SWAP70: variants seen among roughly 807,000 people sequenced by gnomAD.
The protein encoded by SWAP70 is switching B cell complex subunit SWAP70, also known as switch-associated protein 70.
SWAP70 carries 34 observed loss-of-function variants against 80.2 expected under a neutral mutation model. The ratio of observed to expected loss-of-function variants is 0.42; its 90% CI spans 0.32 to 0.56. The LOEUF is 0.56. Ranked by LOEUF, SWAP70 falls within the 20% of genes least tolerant of loss-of-function variation. The pLI is 0.09. For missense variants in SWAP70, 578 were observed against 690.7 expected, an observed-to-expected ratio of 0.84 and a Z score of 1.83; for synonymous variants, 239 against 238.5, an observed-to-expected ratio of 1.00 and a Z score of -0.02.
chr11:9,675,627 G>A (rs528338130), intron 1 of SWAP70, among the ~76,000 whole-genome samples: 96 of 151,836 alleles, frequency 6.3e-4, no homozygotes, highest in African/African-American at 2.2e-3. Context: ...AGGTTTTCTC[G>A]AATCTTTAAG....
At chr11:9,675,309 C>CG (rs571688643) in intron 1 of SWAP70, among the ~76,000 whole-genome samples, 1 of 115,326 alleles carries the variant, frequency 8.7e-6, no homozygotes, top group African/African-American at 3.2e-5. Context: ...AAGAAAGAAA[C>CG]AGAGAGGGAG....
rs192987839 is a variant in SWAP70 at position 9,696,105 on chromosome 11, C to G, written c.240+1819C>G. Among the ~76,000 whole-genome samples, 11 of 152,292 alleles carry G rather than the reference C, an allele frequency of 7.2e-5. No individual in the cohort carries two copies. The East Asian group carries it at 2.1e-3, about 29-fold the overall frequency. On this transcript the variant is annotated intron_variant, in intron 2 of 11. Transcript: ENST00000318950. ...CTGTATAGATATTATACAGCCAACTCTTATCCCAGACTTTTCAGGGTACCA... is the reference window on the plus strand; with the variant it reads ...CTGTATAGATATTATACAGCCAACTGTTATCCCAGACTTTTCAGGGTACCA...
At chr11:9,740,476 C>A in intron 9 of SWAP70, 129 bp downstream of exon 9, 3 of 949,444 alleles carry the variant, frequency 3.2e-6, no homozygotes, top group Non-Finnish European at 5.1e-6. Context: ...GCTCGAGGTG[C>A]TGTCCAGATT....
intron 2 of SWAP70, among the ~76,000 whole-genome samples, chr11:9,697,886 G>A (rs938309447): frequency 6.6e-6 from 1 of 152,072 alleles, no homozygotes; most frequent in Non-Finnish European, 1.5e-5. Flanking sequence ...GCTAAATAAA[G>A]TAGTCCTCTT....
intron 2 of SWAP70, among the ~76,000 whole-genome samples, chr11:9,712,202 GAAC>G (rs1851007294): frequency 6.6e-6 from 1 of 152,064 alleles, no homozygotes; most frequent in Non-Finnish European, 1.5e-5. Context: ...CATTCCTTGG[GAAC>G]ATAGGCCAGT....
At chr11:9,724,069 T>C (rs1050135627) in intron 3 of SWAP70, among the ~76,000 whole-genome samples, 5 of 152,374 alleles carry the variant, frequency 3.3e-5, no homozygotes, top group African/African-American at 9.6e-5. Context: ...CCACTGCTCC[T>C]GGCCTAACTG....
intron 1 of SWAP70, among the ~76,000 whole-genome samples, chr11:9,671,549 G>C (rs181018926): frequency 6.5e-5 from 2 of 30,612 alleles, no homozygotes; most frequent in Admixed American, 5.7e-4. Context: ...GAAATATATA[G>C]AAATATATAT....
At chr11:9,721,415 T>C (rs912511165) in intron 3 of SWAP70, among the ~76,000 whole-genome samples, 3 of 152,034 alleles carry the variant, frequency 2.0e-5, no homozygotes, top group African/African-American at 7.2e-5. Context: ...TAAAAGAGCT[T>C]ATAGCATCTC....
At chr11:9,748,783 C>T (rs1161671973) in intron 10 of SWAP70, among the ~76,000 whole-genome samples, 1 of 152,240 alleles carries the variant, frequency 6.6e-6, no homozygotes, top group Non-Finnish European at 1.5e-5. Context: ...AACTGGCACA[C>T]AGGGCCATAC....
At chr11:9,682,940 T>C (rs1850586234) in intron 1 of SWAP70, among the ~76,000 whole-genome samples, 1 of 152,194 alleles carries the variant, frequency 6.6e-6, no homozygotes, top group African/African-American at 2.4e-5. Flanking sequence ...CCTCCTAAAG[T>C]GCTGGGATTA....
At position 9,666,717 on chromosome 11, in the gene SWAP70, C is replaced by A. The variant is rs1850311192; in HGVS notation, c.99+2439C>A. ...TTTTTTTCCAGATATTCCCAGATGA[C>A]CTCTTAATTTTTTTTTTTTTTTTTT... On this transcript the variant is annotated intron_variant, in intron 1 of 11. Coordinates refer to ENST00000318950, the MANE Select transcript of SWAP70 (RefSeq NM_015055.4). 1.5e-5 allele frequency among the ~76,000 whole-genome samples: 2 copies of A among 135,454 alleles called. 1 individual carries two copies. The highest frequency in any genetic ancestry group is 5.3e-5 in the African/African-American group (2 of 37,606). The allele number at this position is 135,454 out of a possible 152,430, so 88.9% of individuals were successfully genotyped here.
intron 2 of SWAP70, among the ~76,000 whole-genome samples, chr11:9,709,389 A>G (rs1850965631): frequency 6.6e-6 from 1 of 152,198 alleles, no homozygotes; most frequent in African/African-American, 2.4e-5. Context: ...TCAGCCTCCC[A>G]AAGCATTGGA....
chr11:9,671,004 C>A lies in SWAP70; in HGVS notation c.99+6726C>A, dbSNP rs746130274. On this transcript the variant is annotated intron_variant, in intron 1 of 11. Transcript: ENST00000318950. ...TCCTGACCTTGTGATCCACCCACCT[C>A]GGCCTCCCAAAGTGCTGGGAGTACA... Among the ~76,000 whole-genome samples the A allele has an allele frequency of 5.3e-5, 8 of 149,692 alleles. No individual in the cohort carries two copies. In the South Asian group the frequency reaches 1.7e-3, roughly 31 times the overall value.
chr11:9,665,101 T>A (rs1850292617), intron 1 of SWAP70, among the ~76,000 whole-genome samples: 1 of 152,166 alleles, frequency 6.6e-6, no homozygotes, highest in Admixed American at 6.5e-5. Context: ...GGCAGCTTCT[T>A]CAAAGTAAAA....
At chr11:9,694,453 C>G (rs1047733605) in intron 2 of SWAP70, among the ~76,000 whole-genome samples, 167 bp downstream of exon 2, 8 of 152,230 alleles carry the variant, frequency 5.3e-5, no homozygotes, top group Middle Eastern at 3.4e-3. Context: ...TCCTATTCTT[C>G]CCTCTCCTCC....
intron 3 of SWAP70, among the ~76,000 whole-genome samples, chr11:9,717,493 G>A (rs1001470396): frequency 7.9e-5 from 12 of 151,936 alleles, no homozygotes; most frequent in African/African-American, 2.9e-4. Context: ...AAATTAGCTG[G>A]GCATGGTGGT....
In SWAP70 at chr11:9,729,370, T is replaced by G; in HGVS notation, c.817T>G (p.Cys273Gly). Residue 273 changes from cysteine to glycine, a missense_variant, in exon 6 of 12, where the codon TGC (cysteine) becomes GGC (glycine). Cys to Gly is a radical substitution (Grantham distance 159). Coordinates refer to ENST00000318950, the MANE Select transcript of SWAP70 (RefSeq NM_015055.4). ...CTTGCCTGACAAAGATGGAAAGAAA[T>G]GCCTTTTTCTCGTAAAATGTTTTGA... ...ESLPDKDGKKCLFLVKCFDKT... is the reference protein window; with the variant it reads ...ESLPDKDGKKGLFLVKCFDKT... 6.2e-7 allele frequency: 1 copy of G among 1,613,732 alleles called. No homozygotes were observed. Among genetic ancestry groups the G allele is most frequent in the Non-Finnish European group, 8.5e-7 (1 of 1,179,814 alleles).
intron 1 of SWAP70, among the ~76,000 whole-genome samples, chr11:9,667,006 C>T (rs933810390): frequency 2.0e-5 from 3 of 151,790 alleles, no homozygotes; most frequent in Non-Finnish European, 2.9e-5. Context: ...TACAGGTGCC[C>T]GCTGCCATGC....
chr11:9,667,745 A>G (rs1447930068), intron 1 of SWAP70, among the ~76,000 whole-genome samples: 1 of 151,844 alleles, frequency 6.6e-6, no homozygotes, highest in Non-Finnish European at 1.5e-5. Context: ...GTACTTATGT[A>G]GAGATGGAGT....
Sources: allele counts gnomAD v4.1 joint callset (sites outside exome capture counted in the v4.1 genomes callset), GRCh38; gene constraint gnomAD v4.1.1; transcripts MANE v1.5; gene names NCBI Gene and HGNC (gene_info 2026-07-23, HGNC 2026-07-21).